The following IGSF11 variants were observed in gnomAD, a reference collection of about 807,000 sequenced individuals.
IGSF11 encodes immunoglobulin superfamily member 11, also known as CXADR like 1.
IGSF11 carries 22 observed loss-of-function variants against 41.0 expected under a neutral mutation model. The ratio of observed to expected loss-of-function variants is 0.54; its 90% CI spans 0.38 to 0.77. The LOEUF is 0.77. Among genes scored for constraint, IGSF11 ranks in the 30% least tolerant of loss-of-function variants. IGSF11 has a pLI of 0.00. For missense variants in IGSF11, 444 were observed against 530.8 expected (o/e 0.84, Z 1.61); for synonymous variants, 219 against 201.3 (o/e 1.09, Z -0.74).
upstream of IGSF11, among the ~76,000 whole-genome samples, chr3:119,036,632 G>T (rs1438423164): frequency 6.6e-6 from 1 of 151,680 alleles, no homozygotes; most frequent in African/African-American, 2.4e-5. Flanking sequence ...TATATTTATC[G>T]CATCAATTTA....
intron 1 of IGSF11, among the ~76,000 whole-genome samples, chr3:119,142,032 T>C (rs1312521137): frequency 6.6e-6 from 1 of 151,946 alleles, no homozygotes; most frequent in Non-Finnish European, 1.5e-5. Flanking sequence ...TCCCAGCACT[T>C]TGGGAGGCCG....
intron 4 of IGSF11, among the ~76,000 whole-genome samples, chr3:118,921,512 A>C (rs894499234): frequency 1.6e-4 from 25 of 152,316 alleles, no homozygotes; most frequent in African/African-American, 6.0e-4. Flanking sequence ...ATTAATATTT[A>C]GTAGGGACTT....
intron 1 of IGSF11, among the ~76,000 whole-genome samples, chr3:119,072,598 G>A (rs114741618): frequency 3.3e-5 from 5 of 152,154 alleles, no homozygotes; most frequent in Non-Finnish European, 5.9e-5. Context: ...GAGTGAAGCC[G>A]CATACCTTCG....
intron 1 of IGSF11, among the ~76,000 whole-genome samples, chr3:119,011,062 T>C (rs780398046): frequency 2.0e-5 from 3 of 152,170 alleles, no homozygotes; most frequent in Admixed American, 6.5e-5. Flanking sequence ...AACAAATTAA[T>C]CCTTCCACAA....
At chr3:119,123,368 C>T (rs754387963) in intron 1 of IGSF11, among the ~76,000 whole-genome samples, 5 of 152,196 alleles carry the variant, frequency 3.3e-5, no homozygotes, top group Non-Finnish European at 7.4e-5. Context: ...GTTTTTTACT[C>T]CAGTCCCTGG....
At chr3:118,944,251 G>C (rs1216145049) in intron 1 of IGSF11, among the ~76,000 whole-genome samples, 2 of 152,306 alleles carry the variant, frequency 1.3e-5, no homozygotes. Flanking sequence ...AATAGAGATA[G>C]AGGTAATATG....
chr3:119,094,753 C>A (rs2076822421), intron 1 of IGSF11, among the ~76,000 whole-genome samples: 2 of 150,700 alleles, frequency 1.3e-5, no homozygotes, highest in Non-Finnish European at 2.9e-5. Context: ...TTCACTGCAA[C>A]CTCCGCCTCC....
chr3:119,003,532 G>C (rs1170819164), intron 1 of IGSF11, among the ~76,000 whole-genome samples: 2 of 150,928 alleles, frequency 1.3e-5, no homozygotes, highest in African/African-American at 4.9e-5. Flanking sequence ...CGGTAAGAGA[G>C]GGCATCCCTG....
chr3:119,001,475 T>G (rs889355659), intron 1 of IGSF11, among the ~76,000 whole-genome samples: 1 of 150,326 alleles, frequency 6.7e-6, no homozygotes, highest in African/African-American at 2.4e-5. Flanking sequence ...TTCTTTTTTT[T>G]TTTTTTTTAT....
At chr3:119,119,315 C>A (rs1200155031) in intron 1 of IGSF11, among the ~76,000 whole-genome samples, 1 of 152,180 alleles carries the variant, frequency 6.6e-6, no homozygotes, top group Non-Finnish European at 1.5e-5. Flanking sequence ...CAAGGAGGAG[C>A]AAGTCACATC....
intron 1 of IGSF11, among the ~76,000 whole-genome samples, chr3:119,001,137 C>T (rs1311045835): frequency 2.0e-5 from 3 of 151,750 alleles, no homozygotes; most frequent in African/African-American, 4.8e-5. Flanking sequence ...TCCTTCAATT[C>T]GCCTATATCC....
intron 1 of IGSF11, among the ~76,000 whole-genome samples, chr3:119,071,164 A>G (rs2076394632): frequency 6.6e-6 from 1 of 152,342 alleles, no homozygotes; most frequent in African/African-American, 2.4e-5. Flanking sequence ...CATTTTTGAG[A>G]GGAGGATGAA....
chr3:119,118,488 A>C (rs1444261052), intron 1 of IGSF11, among the ~76,000 whole-genome samples: 1 of 152,224 alleles, frequency 6.6e-6, no homozygotes, highest in Non-Finnish European at 1.5e-5. Flanking sequence ...TGCACACAGC[A>C]CAGGAACCTT....
intron 1 of IGSF11, among the ~76,000 whole-genome samples, chr3:119,084,822 C>T (rs1037505002): frequency 6.6e-6 from 1 of 152,236 alleles, no homozygotes; most frequent in African/African-American, 2.4e-5. Flanking sequence ...GAGGAGGGAG[C>T]CACGAGCAGG....
chr3:119,136,657 G>T (rs1262174835), intron 1 of IGSF11, among the ~76,000 whole-genome samples: 1 of 152,020 alleles, frequency 6.6e-6, no homozygotes, highest in Non-Finnish European at 1.5e-5. Context: ...ACCTAACATG[G>T]GAGCACTCAT....
chr3:119,113,001 G>C (rs561125648), intron 1 of IGSF11, among the ~76,000 whole-genome samples: 3 of 152,090 alleles, frequency 2.0e-5, no homozygotes, highest in Admixed American at 6.5e-5. Context: ...AGAACAAAGG[G>C]GGAGGTGCTA....
At chr3:119,058,363 A>C (rs1941931396) in intron 1 of IGSF11, among the ~76,000 whole-genome samples, 1 of 152,252 alleles carries the variant, frequency 6.6e-6, no homozygotes, top group East Asian at 1.9e-4. Flanking sequence ...GCCAAAAGAC[A>C]CATGAAAAAA....
At chr3:118,904,562 A>C (rs1209900503) in intron 6 of IGSF11, 86 bp downstream of exon 6, 1 of 962,802 alleles carries the variant, frequency 1.0e-6, no homozygotes, top group South Asian at 1.6e-5. Flanking sequence ...GAGTTTTATG[A>C]TTAGTAGATA....
chr3:118,952,325 T>A (rs138457169), intron 1 of IGSF11, among the ~76,000 whole-genome samples: 4 of 152,276 alleles, frequency 2.6e-5, no homozygotes, highest in Admixed American at 6.5e-5. Flanking sequence ...TTGACACTCC[T>A]TTCATGAAAG....
Sources: allele counts gnomAD v4.1 joint callset (sites outside exome capture counted in the v4.1 genomes callset), GRCh38; gene constraint gnomAD v4.1.1; transcripts MANE v1.5; gene names NCBI Gene and HGNC (gene_info 2026-07-23, HGNC 2026-07-21).